The following ADAMTSL1 variants were observed in gnomAD, a reference collection of about 807,000 sequenced individuals.
ADAMTSL1 encodes ADAMTS-like protein 1.
ADAMTSL1 carries 126 observed loss-of-function variants against 201.8 expected under a neutral mutation model. The observed-to-expected ratio is 0.62, with a 90% confidence interval of 0.54 to 0.72. ADAMTSL1 has a LOEUF of 0.72. ADAMTSL1 is among the 30% of genes least tolerant of loss of function. The pLI, the probability that ADAMTSL1 is intolerant of heterozygous loss-of-function variation, is 0.00. For missense variants in ADAMTSL1, 2,679 were observed against 2,277.8 expected, an observed-to-expected ratio of 1.18 and a Z score of -3.59; for synonymous variants, 1,121 against 903.4, an observed-to-expected ratio of 1.24 and a Z score of -4.32.
chr9:18,446,872 T>C (rs1041566959), intron 2 of ADAMTSL1, among the ~76,000 whole-genome samples: 16 of 152,104 alleles, frequency 1.1e-4, no homozygotes, highest in Admixed American at 9.2e-4. Context: ...TTGAAAGGAG[T>C]TCATTGTAAC....
At chr9:18,356,737 G>T (rs1445267512) in intron 2 of ADAMTSL1, among the ~76,000 whole-genome samples, 4 of 151,954 alleles carry the variant, frequency 2.6e-5, no homozygotes, top group Admixed American at 1.3e-4. Context: ...AAAGCTCCAT[G>T]ATCAGAGAGA....
At chr9:18,672,518 A>G (rs1315223289) in intron 9 of ADAMTSL1, among the ~76,000 whole-genome samples, 1 of 152,218 alleles carries the variant, frequency 6.6e-6, no homozygotes, top group Non-Finnish European at 1.5e-5. Flanking sequence ...ATATATATGC[A>G]TGTATACATC....
At chr9:18,177,740 C>G (rs968278442) in intron 2 of ADAMTSL1, among the ~76,000 whole-genome samples, 1 of 152,160 alleles carries the variant, frequency 6.6e-6, no homozygotes, top group African/African-American at 2.4e-5. Flanking sequence ...GTTGCTGTCA[C>G]TCACTTTCTT....
intron 7 of ADAMTSL1, among the ~76,000 whole-genome samples, chr9:18,647,966 C>T (rs1408341875): frequency 2.7e-5 from 4 of 149,722 alleles, no homozygotes; most frequent in East Asian, 3.9e-4. Flanking sequence ...CTTGTTGATC[C>T]GTCTAATGTT....
chr9:18,657,801 TTG>T (rs1230279839), intron 8 of ADAMTSL1, 51 bp downstream of exon 8: 1 of 1,446,382 alleles, frequency 6.9e-7, no homozygotes, highest in Admixed American at 1.7e-5. Flanking sequence ...GAGGAAATAC[TTG>T]GGTATTATAA....
chr9:18,577,035 G>A (rs1261063394), intron 4 of ADAMTSL1, among the ~76,000 whole-genome samples: 1 of 152,192 alleles, frequency 6.6e-6, no homozygotes, highest in South Asian at 2.1e-4. Flanking sequence ...CTGCCTATCA[G>A]AATCACCTGG....
At chr9:18,278,212 G>T (rs570940269) in intron 2 of ADAMTSL1, among the ~76,000 whole-genome samples, 2 of 152,240 alleles carry the variant, frequency 1.3e-5, no homozygotes, top group South Asian at 4.1e-4. Context: ...TGGTATTAAA[G>T]TATTCTGAAT....
At chr9:18,216,780 C>T (rs189602008) in intron 2 of ADAMTSL1, among the ~76,000 whole-genome samples, 702 of 151,724 alleles carry the variant, frequency 4.6e-3, no homozygotes, top group Non-Finnish European at 6.0e-3. Flanking sequence ...ACATTACTAC[C>T]TTTGTTCTTG....
At chr9:18,248,536 T>TA (rs1017624713) in intron 2 of ADAMTSL1, among the ~76,000 whole-genome samples, 5 of 151,656 alleles carry the variant, frequency 3.3e-5, no homozygotes, top group African/African-American at 9.7e-5. Flanking sequence ...CCCTGTAGTG[T>TA]AAAAAAAAGA....
Position 18,085,311 on chromosome 9 carries a change from C to T in ADAMTSL1, c.88-78551C>T, listed in dbSNP as rs191743882. Among the ~76,000 whole-genome samples the T allele has an allele frequency of 2.5e-4, 38 of 152,162 alleles. 1 individual carries two copies. The highest frequency in any genetic ancestry group is 3.4e-3 in the Middle Eastern group (1 of 294). ...GTGCGATCTTGGGCACAATACTTAA[C>T]CTTACTGGGCCTCTGTTGCCTCCTC... On this transcript the variant is annotated intron_variant, in intron 1 of 29. Transcript: ENST00000680146.
At chr9:17,958,148 C>T (rs1828001117) in intron 1 of ADAMTSL1, among the ~76,000 whole-genome samples, 1 of 152,136 alleles carries the variant, frequency 6.6e-6, no homozygotes, top group South Asian at 2.1e-4. Flanking sequence ...CATTTTACCT[C>T]TTTCCATTCA....
intron 17 of ADAMTSL1, among the ~76,000 whole-genome samples, chr9:18,774,525 GTGTAC>G (rs1820870420): frequency 6.6e-6 from 1 of 151,730 alleles, no homozygotes; most frequent in Non-Finnish European, 1.5e-5. Context: ...GAAATCCCTA[GTGTAC>G]TATAAGCATT....
chr9:18,656,725 T>C (rs2132973307), intron 7 of ADAMTSL1, among the ~76,000 whole-genome samples: 1 of 152,224 alleles, frequency 6.6e-6, no homozygotes, highest in South Asian at 2.1e-4. Context: ...CTCTAATTGT[T>C]GTAATGTAGA....
chr9:18,646,750 A>T (rs1298988241), intron 7 of ADAMTSL1, among the ~76,000 whole-genome samples: 1 of 152,156 alleles, frequency 6.6e-6, no homozygotes, highest in South Asian at 2.1e-4. Flanking sequence ...CCACTTGATC[A>T]TGGTGGATAA....
At chr9:18,365,847 G>C (rs1406152898) in intron 2 of ADAMTSL1, among the ~76,000 whole-genome samples, 1 of 152,210 alleles carries the variant, frequency 6.6e-6, no homozygotes, top group Non-Finnish European at 1.5e-5. Context: ...CCTGCTGTCA[G>C]ATCAGCAGTG....
At chr9:18,754,182 A>G (rs1334641644) in intron 16 of ADAMTSL1, among the ~76,000 whole-genome samples, 1 of 152,360 alleles carries the variant, frequency 6.6e-6, no homozygotes, top group East Asian at 1.9e-4. Flanking sequence ...TGGTTGTGAT[A>G]GTGAACATAT....
intron 2 of ADAMTSL1, among the ~76,000 whole-genome samples, chr9:18,397,161 C>T (rs185826182): frequency 6.6e-6 from 1 of 152,148 alleles, no homozygotes; most frequent in Admixed American, 6.5e-5. Context: ...TTTTCCCCCA[C>T]TCTTTTACCC....
At chr9:18,897,534 G>C (rs919979462) in intron 26 of ADAMTSL1, among the ~76,000 whole-genome samples, 62 of 152,250 alleles carry the variant, frequency 4.1e-4, no homozygotes, top group Non-Finnish European at 1.9e-4. Flanking sequence ...CATCTTTGCT[G>C]TTTTGCAGAC....
chr9:18,038,171 A>G (rs534352518), intron 1 of ADAMTSL1, among the ~76,000 whole-genome samples: 1 of 152,282 alleles, frequency 6.6e-6, no homozygotes, highest in African/African-American at 2.4e-5. Flanking sequence ...CACCTCTGCC[A>G]TCAGGTAGAC....
Sources: allele counts gnomAD v4.1 joint callset (sites outside exome capture counted in the v4.1 genomes callset), GRCh38; gene constraint gnomAD v4.1.1; transcripts MANE v1.5; gene names NCBI Gene and HGNC (gene_info 2026-07-23, HGNC 2026-07-21).